The following MAP7D2 variants were observed in gnomAD, a reference collection of about 807,000 sequenced individuals.
MAP7D2 encodes MAP7 domain-containing protein 2.
MAP7D2 carries 33 observed loss-of-function variants against 63.5 expected under a neutral mutation model. The observed-to-expected ratio is 0.52, with a 90% CI of 0.39 to 0.70. The LOEUF (loss-of-function observed/expected upper bound fraction) is 0.70, where lower values mean the gene tolerates loss of function less well. Ranked by LOEUF, MAP7D2 falls within the 30% of genes least tolerant of loss-of-function variation. The pLI is 0.00. For missense variants in MAP7D2, 626 were observed against 604.0 expected (o/e 1.04, Z -0.38); for synonymous variants, 224 against 223.7 (o/e 1.00, Z -0.01).
chrX:20,013,136 A>C lies in MAP7D2; in HGVS notation c.1807-4T>G, dbSNP rs2073259763. 8.4e-7 allele frequency: 1 copy of C among 1,191,576 alleles called. No individual in the cohort carries two copies. Among genetic ancestry groups the C allele is most frequent in the African/African-American group, 1.7e-5 (1 of 57,419 alleles). The stretch of plus-strand genomic sequence containing the variant: ...CCCCCACTTTGGGGTCTTCTTTCTG[A>C]AAACAAATGGAAGGTGAATGAAATG... On this transcript the variant is annotated splice_region_variant and splice_polypyrimidine_tract_variant and intron_variant, in intron 13 of 16. Transcript: ENST00000379643.
intron 1 of MAP7D2, among the ~76,000 whole-genome samples, chrX:20,082,715 G>A (rs764258680): frequency 8.0e-5 from 9 of 111,873 alleles, no homozygotes; most frequent in Admixed American, 1.9e-4. Flanking sequence ...TGCAACCTCC[G>A]CCTCCTGGGT....
At chrX:20,036,574 G>A (rs1395732628) in intron 8 of MAP7D2, among the ~76,000 whole-genome samples, 2 of 106,277 alleles carry the variant, frequency 1.9e-5, no homozygotes, top group Admixed American at 2.0e-4. Flanking sequence ...GAACAAACCT[G>A]CACATGTGCC....
intron 1 of MAP7D2, among the ~76,000 whole-genome samples, chrX:20,067,162 G>A (rs2065381428): frequency 8.9e-6 from 1 of 112,061 alleles, no homozygotes; most frequent in African/African-American, 3.2e-5. Context: ...ACCTAGCTCT[G>A]TACTGCCCAT....
intron 12 of MAP7D2, among the ~76,000 whole-genome samples, chrX:20,014,999 G>A (rs1014813678): frequency 9.0e-6 from 1 of 111,610 alleles, no homozygotes; most frequent in Non-Finnish European, 1.9e-5. Context: ...TTACAGGTGT[G>A]AGCCACCATG....
intron 1 of MAP7D2, among the ~76,000 whole-genome samples, chrX:20,114,171 T>G (rs1398020498): frequency 8.9e-6 from 1 of 112,188 alleles, no homozygotes; most frequent in Non-Finnish European, 1.9e-5. Flanking sequence ...TAGCTACGAT[T>G]ACAAGCATGC....
At chrX:20,023,168 T>G (rs928583727) in intron 10 of MAP7D2, among the ~76,000 whole-genome samples, 1 of 112,127 alleles carries the variant, frequency 8.9e-6, no homozygotes, top group Non-Finnish European at 1.9e-5. Context: ...AAACGGACAA[T>G]AAAACAAGAC....
intron 1 of MAP7D2, among the ~76,000 whole-genome samples, chrX:20,102,670 T>C (rs950555388): frequency 4.7e-5 from 5 of 106,223 alleles, no homozygotes; most frequent in Admixed American, 1.0e-4. Flanking sequence ...CTTCTGATAC[T>C]GGTGAGGCTC....
rs1430559472 is a variant in MAP7D2 at position 20,024,185 on chromosome X, G to A, written c.1412+766C>T. Among the ~76,000 whole-genome samples, 3 of 112,090 alleles carry A rather than the reference G, an allele frequency of 2.7e-5. No homozygotes were observed. The Admixed American group carries it at 2.8e-4, about 11-fold the overall frequency. ...TCAATTTAATGATAAAATCGACCTT[G>A]TCCTTCAACATGCTTTCCTCTCTAA... On this transcript the variant is annotated intron_variant, in intron 10 of 16. Coordinates refer to ENST00000379643, the MANE Select transcript of MAP7D2 (RefSeq NM_001168465.2).
chrX:20,116,724 C>T (rs1603413608), intron 1 of MAP7D2, 26 bp downstream of exon 1: 1 of 1,141,739 alleles, frequency 8.8e-7, no homozygotes. Flanking sequence ...AGCCCTCGGG[C>T]GCCCGCCACA....
At chrX:20,087,879 C>CTTTTT (rs539620594) in intron 1 of MAP7D2, among the ~76,000 whole-genome samples, 3,726 of 52,695 alleles carry the variant, frequency 0.071, 91 homozygotes, top group Non-Finnish European at 0.091. Context: ...AATTTCTTTT[C>CTTTTT]TTTTTTTTTT....
intron 1 of MAP7D2, among the ~76,000 whole-genome samples, chrX:20,082,445 G>A (rs144116129): frequency 0.038 from 4,283 of 111,317 alleles, 110 homozygotes; most frequent in Non-Finnish European, 0.06. Context: ...TTGAAAGTTA[G>A]AACCCCTGTT....
intron 3 of MAP7D2, among the ~76,000 whole-genome samples, chrX:20,062,940 T>G (rs2065256562): frequency 9.0e-6 from 1 of 111,713 alleles, no homozygotes; most frequent in African/African-American, 3.2e-5. Context: ...GCTCTTGTTC[T>G]GGCCTTGTGC....
chrX:20,023,409 A>C (rs1475710757), intron 10 of MAP7D2, among the ~76,000 whole-genome samples: 5 of 112,556 alleles, frequency 4.4e-5, no homozygotes, highest in Non-Finnish European at 9.4e-5. Flanking sequence ...GCAACATTTA[A>C]GGGGATGAGG....
At chrX:20,055,628 G>A (rs1189301806) in intron 4 of MAP7D2, 11 of 424,913 alleles carry the variant, frequency 2.6e-5, no homozygotes, top group Non-Finnish European at 3.6e-5. Context: ...TGACAGGCCA[G>A]ACTAAGAAAC....
rs759691589 is a variant in MAP7D2, at chrX:20,025,709, G to A, written c.1251C>T (p.Ala417=). ...CGCTGTTTTCGGCTTTCCCTCCTGC[G>A]GCAGCAGCATGCTTCTCGCTGGCAT... ...DKHASEKHAA[A]AGGKAENSAA... Residue 417 remains alanine (A), a synonymous_variant, in exon 9 of 17, where the codon GCC becomes GCT. Transcript: ENST00000379643. 2.5e-6 allele frequency: 3 copies of A among 1,211,827 alleles called. No individual in the cohort carries two copies. The highest frequency in any genetic ancestry group is 3.5e-5 in the South Asian group (2 of 56,976).
rs185460042 is a variant in MAP7D2 at position 20,077,688 on chromosome X, T to C, written c.131-12883A>G. Among the ~76,000 whole-genome samples the C allele has an allele frequency of 2.9e-3, 325 of 112,194 alleles. 1 individual carries two copies. Among genetic ancestry groups the C allele is most frequent in the Non-Finnish European group, 3.6e-3 (190 of 53,249 alleles). On this transcript the variant is annotated intron_variant, in intron 1 of 16. Coordinates refer to ENST00000379643, the MANE Select transcript of MAP7D2 (RefSeq NM_001168465.2). ...ATTTATTGTTCTCCACCTTCCACTA[T>C]GGAGGGCCTCTGCACACACACCTGG... is the stretch of plus-strand genomic sequence containing the variant.
chrX:20,093,793 C>A (rs1569139515), intron 1 of MAP7D2, among the ~76,000 whole-genome samples: 1 of 111,967 alleles, frequency 8.9e-6, no homozygotes, highest in Non-Finnish European at 1.9e-5. Context: ...TAAGGGATTT[C>A]TTTTTGTGGT....
In MAP7D2 at chrX:20,006,981, A is replaced by C. The variant is rs777360097; in HGVS notation, c.*1444T>G. Reference sequence around the variant, plus strand: ...TACAACAAATCACAAGAAAACAGACATTTAGCAAAATAAGGTTCCAGGAAA... The same window carrying C: ...TACAACAAATCACAAGAAAACAGACCTTTAGCAAAATAAGGTTCCAGGAAA... On this transcript the variant is annotated 3_prime_UTR_variant, in exon 17 of 17. Coordinates refer to ENST00000379643, the MANE Select transcript of MAP7D2 (RefSeq NM_001168465.2). 2.7e-5 allele frequency: 3 copies of C among 112,423 alleles called. No individual in the cohort carries two copies. In the South Asian group the frequency reaches 1.1e-3, roughly 41 times the overall value. 9.3% of individuals were successfully genotyped at this position (112,423 alleles called of 1,213,427 possible).
At chrX:20,012,580 A>G (rs775824804) in intron 14 of MAP7D2, 45 bp from the exon 15 acceptor site, 42 of 1,022,746 alleles carry the variant, frequency 4.1e-5, no homozygotes, top group Middle Eastern at 2.6e-4. Flanking sequence ...TAAAATGTCT[A>G]AATAAAGTAA....
Sources: gnomAD v4.1 joint callset for allele counts (sites outside exome capture counted in the v4.1 genomes callset) on GRCh38, gnomAD v4.1.1 for gene constraint, MANE v1.5 for transcripts, NCBI Gene and HGNC (gene_info 2026-07-23, HGNC 2026-07-21) for gene names.